SYT9: variants seen among roughly 807,000 people sequenced by gnomAD.
SYT9 encodes synaptotagmin-9.
Under a neutral mutation model 48.4 loss-of-function variants are expected in SYT9, and 22 were observed. The observed-to-expected ratio is 0.45, with a 90% CI of 0.32 to 0.65. The LOEUF is 0.65. Ranked by LOEUF, SYT9 falls within the 30% of genes least tolerant of loss-of-function variation. The pLI is 0.03. For synonymous variants in SYT9, 265 were observed against 245.0 expected (o/e 1.08, Z -0.76); for missense variants, 577 against 622.0 (o/e 0.93, Z 0.77).
At chr11:7,343,214 A>C (rs1849743912) in intron 3 of SYT9, among the ~76,000 whole-genome samples, 1 of 152,166 alleles carries the variant, frequency 6.6e-6, no homozygotes, top group South Asian at 2.1e-4. Context: ...GCAAATTTCT[A>C]CAGCAGGCTT....
chr11:7,315,980 G>T (rs929933640), intron 3 of SYT9, among the ~76,000 whole-genome samples: 5 of 152,048 alleles, frequency 3.3e-5, no homozygotes, highest in African/African-American at 1.2e-4. Flanking sequence ...ACGGGAGAGG[G>T]TAGGTCCTGT....
At chr11:7,423,221 G>T (rs550924146) in intron 6 of SYT9, among the ~76,000 whole-genome samples, 1 of 152,154 alleles carries the variant, frequency 6.6e-6, no homozygotes, top group Non-Finnish European at 1.5e-5. Context: ...TGAAGTACAC[G>T]TCTGGGACTC....
intron 6 of SYT9, among the ~76,000 whole-genome samples, chr11:7,456,291 G>A (rs1401333206): frequency 5.9e-5 from 9 of 152,218 alleles, no homozygotes; most frequent in South Asian, 2.1e-4. Flanking sequence ...GAAGTTTCCA[G>A]TATGCAATAG....
intron 1 of SYT9, among the ~76,000 whole-genome samples, chr11:7,242,298 T>C (rs1169959743): frequency 6.6e-6 from 1 of 152,144 alleles, no homozygotes; most frequent in Admixed American, 6.5e-5. Flanking sequence ...TTCAGCTTCA[T>C]GATGTGAGCT....
At chr11:7,404,657 A>G (rs1846966937) in intron 3 of SYT9, among the ~76,000 whole-genome samples, 1 of 152,076 alleles carries the variant, frequency 6.6e-6, no homozygotes, top group Non-Finnish European at 1.5e-5. Flanking sequence ...CGATTTTTCA[A>G]CCCCAGAGAG....
At chr11:7,430,431 C>T (rs898849271) in intron 6 of SYT9, among the ~76,000 whole-genome samples, 3 of 152,150 alleles carry the variant, frequency 2.0e-5, no homozygotes, top group Non-Finnish European at 4.4e-5. Context: ...ATGAATAAGG[C>T]AGGAAAACAA....
chr11:7,379,127 T>G (rs1051546470), intron 3 of SYT9, among the ~76,000 whole-genome samples: 4 of 152,176 alleles, frequency 2.6e-5, no homozygotes, highest in African/African-American at 4.8e-5. Context: ...AACATCAAAT[T>G]AAATGCTAAA....
At chr11:7,442,007 A>G (rs1050826443) in intron 6 of SYT9, among the ~76,000 whole-genome samples, 2 of 151,948 alleles carry the variant, frequency 1.3e-5, no homozygotes, top group Non-Finnish European at 2.9e-5. Context: ...ACCTCCTGGG[A>G]GCAAACCATT....
chr11:7,459,945 CTG>C (rs1848210163), intron 6 of SYT9, among the ~76,000 whole-genome samples: 1 of 152,182 alleles, frequency 6.6e-6, no homozygotes, highest in African/African-American at 2.4e-5. Flanking sequence ...GCCTCTAGAA[CTG>C]TGAGACAATA....
intron 3 of SYT9, among the ~76,000 whole-genome samples, chr11:7,384,541 G>A (rs1014607461): frequency 1.3e-5 from 2 of 151,568 alleles, no homozygotes; most frequent in Admixed American, 1.3e-4. Context: ...AAAATGTGAT[G>A]ACCTCTCACC....
At chr11:7,267,769 T>G (rs1426348662) in intron 1 of SYT9, among the ~76,000 whole-genome samples, 1 of 151,276 alleles carries the variant, frequency 6.6e-6, no homozygotes, top group East Asian at 1.9e-4. Flanking sequence ...AAGTGAAAAA[T>G]CCCAAAGAAG....
chr11:7,395,531 A>G (rs1396578368), intron 3 of SYT9, among the ~76,000 whole-genome samples: 1 of 152,000 alleles, frequency 6.6e-6, no homozygotes, highest in Non-Finnish European at 1.5e-5. Flanking sequence ...CCAATGTGGG[A>G]TACATTTAGA....
At chr11:7,261,212 T>C (rs973157369) in intron 1 of SYT9, among the ~76,000 whole-genome samples, 4 of 152,202 alleles carry the variant, frequency 2.6e-5, no homozygotes, top group African/African-American at 9.6e-5. Context: ...TATCACATTT[T>C]TGGGACATGC....
chr11:7,312,450 A>G (rs1275560727), intron 2 of SYT9, among the ~76,000 whole-genome samples: 1 of 152,202 alleles, frequency 6.6e-6, no homozygotes, highest in African/African-American at 2.4e-5. Context: ...ATGACTCTAA[A>G]CTCTGAGCTA....
chr11:7,340,878 C>T (rs1443802715), intron 3 of SYT9, among the ~76,000 whole-genome samples: 1 of 152,224 alleles, frequency 6.6e-6, no homozygotes, highest in African/African-American at 2.4e-5. Context: ...ATTAGGGAGC[C>T]ACATAACAAA....
chr11:7,249,356 A>G (rs1288412756), upstream of SYT9, among the ~76,000 whole-genome samples: 1 of 152,212 alleles, frequency 6.6e-6, no homozygotes, highest in Non-Finnish European at 1.5e-5. Context: ...AAAGTGAGTC[A>G]CAAGGCAGGC....
rs149841995 is a variant in SYT9, at chr11:7,293,848, C to G, written c.146-9191C>G. 1.8e-4 allele frequency among the ~76,000 whole-genome samples: 27 copies of G among 152,308 alleles called. No individual in the cohort carries two copies. The Middle Eastern group carries it at 0.01, about 58-fold the overall frequency. On this transcript the variant is annotated intron_variant, in intron 1 of 6. Coordinates refer to ENST00000318881, the MANE Select transcript of SYT9 (RefSeq NM_175733.4). ...GGCCATAGAAAGAAGCCCTCACTTT[C>G]TCTTTCTCCTGCTGAAGTCTTTTGG...
chr11:7,360,785 C>A (rs929884199), intron 3 of SYT9, among the ~76,000 whole-genome samples: 8 of 152,268 alleles, frequency 5.3e-5, no homozygotes, highest in Admixed American at 4.6e-4. Flanking sequence ...TTTTTAAAAT[C>A]TTTCCTCTGG....
chr11:7,277,482 G>T (rs959082561), intron 1 of SYT9, among the ~76,000 whole-genome samples: 5 of 152,192 alleles, frequency 3.3e-5, no homozygotes, highest in African/African-American at 1.2e-4. Context: ...AGAAAAAAGA[G>T]AATGGGGGAA....
Sources: gnomAD v4.1 joint callset for allele counts (sites outside exome capture counted in the v4.1 genomes callset) on GRCh38, gnomAD v4.1.1 for gene constraint, MANE v1.5 for transcripts, NCBI Gene and HGNC (gene_info 2026-07-23, HGNC 2026-07-21) for gene names.